The following ZDHHC7 variants were observed in gnomAD, a reference collection of about 807,000 sequenced individuals.
ZDHHC7 encodes the protein palmitoyltransferase ZDHHC7.
A neutral mutation model predicts 34.1 loss-of-function variants in ZDHHC7; 12 were observed. The observed-to-expected ratio is 0.35, with a 90% CI of 0.23 to 0.57. The LOEUF (loss-of-function observed/expected upper bound fraction) is 0.57, where lower values mean the gene tolerates loss of function less well. ZDHHC7 is among the 20% of genes least tolerant of loss of function. The pLI, the probability that ZDHHC7 is intolerant of heterozygous loss-of-function variation, is 0.84. For missense variants in ZDHHC7, 388 were observed against 402.7 expected (o/e 0.96, Z 0.31); for synonymous variants, 185 against 155.4 (o/e 1.19, Z -1.42).
chr16:85,024,475 C>A, the ZDHHC7 span, among the ~76,000 whole-genome samples: 1 of 152,132 alleles, frequency 6.6e-6, no homozygotes, highest in Admixed American at 6.5e-5. Context: ...TTGTGATCCG[C>A]CCACCTTGCC....
At chr16:85,026,695 A>T in the ZDHHC7 span, among the ~76,000 whole-genome samples, 1 of 151,594 alleles carries the variant, frequency 6.6e-6, no homozygotes, top group Non-Finnish European at 1.5e-5. Context: ...TCTCCTGCAT[A>T]ACTCCCGTAA....
At chr16:84,979,422 A>C in intron 4 of ZDHHC7, 137 bp from the exon 5 acceptor site, 62 of 1,265,576 alleles carry the variant, frequency 4.9e-5, no homozygotes, top group Non-Finnish European at 6.4e-5. Flanking sequence ...ATACATTCTC[A>C]CTATATTCCT....
At chr16:85,002,649 G>C (rs893872044) in intron 1 of ZDHHC7, among the ~76,000 whole-genome samples, 1 of 152,152 alleles carries the variant, frequency 6.6e-6, no homozygotes, top group African/African-American at 2.4e-5. Flanking sequence ...TCCTGGGACA[G>C]AGAAAGGACA....
the ZDHHC7 span, among the ~76,000 whole-genome samples, chr16:85,020,926 G>A: frequency 1.3e-5 from 2 of 151,856 alleles, no homozygotes; most frequent in Non-Finnish European, 2.9e-5. Context: ...GCAACATAGT[G>A]AGTCCCCATC....
chr16:84,993,213 A>T (rs1234766399), intron 2 of ZDHHC7, among the ~76,000 whole-genome samples: 1 of 151,776 alleles, frequency 6.6e-6, no homozygotes, highest in Non-Finnish European at 1.5e-5. Context: ...CCCCCCTACT[A>T]GGGAGGCTGA....
chr16:84,991,361 C>T (rs1407441835), intron 2 of ZDHHC7, among the ~76,000 whole-genome samples: 1 of 152,192 alleles, frequency 6.6e-6, no homozygotes, highest in African/African-American at 2.4e-5. Flanking sequence ...TCTTGGCTCA[C>T]TGCAACCTCC....
At chr16:85,022,125 A>G in the ZDHHC7 span, among the ~76,000 whole-genome samples, 1 of 151,280 alleles carries the variant, frequency 6.6e-6, no homozygotes, top group Non-Finnish European at 1.5e-5. Flanking sequence ...GCGCCACTGC[A>G]CTCTAGCCTG....
At chr16:85,007,588 A>G (rs1311876032) in intron 1 of ZDHHC7, among the ~76,000 whole-genome samples, 1 of 151,970 alleles carries the variant, frequency 6.6e-6, no homozygotes, top group Non-Finnish European at 1.5e-5. Flanking sequence ...TCCCATAACA[A>G]GCAGACCAAA....
intron 3 of ZDHHC7, among the ~76,000 whole-genome samples, chr16:84,987,117 T>C (rs1378898851): frequency 6.6e-6 from 1 of 152,204 alleles, no homozygotes; most frequent in Non-Finnish European, 1.5e-5. Flanking sequence ...CTCCCCTCTG[T>C]CCACCTTCCA....
the ZDHHC7 span, among the ~76,000 whole-genome samples, chr16:85,023,205 C>T: frequency 0.05 from 7,370 of 146,728 alleles, 227 homozygotes; most frequent in Middle Eastern, 0.086. Context: ...ATCGCTCTGT[C>T]GCCCAGGCTG....
At chr16:84,990,117 C>T (rs1023282340) in intron 3 of ZDHHC7, among the ~76,000 whole-genome samples, 187 bp downstream of exon 3, 6 of 152,198 alleles carry the variant, frequency 3.9e-5, no homozygotes, top group Admixed American at 3.9e-4. Flanking sequence ...TTTCACTGCG[C>T]TAGGTCTGGC....
intron 1 of ZDHHC7, among the ~76,000 whole-genome samples, chr16:84,997,197 G>C (rs990051162): frequency 1.3e-5 from 2 of 151,330 alleles, no homozygotes; most frequent in Non-Finnish European, 2.9e-5. Context: ...GAAACAAAAA[G>C]AGGAACAGTT....
At chr16:84,977,447 A>G (rs2072312809) in intron 6 of ZDHHC7, among the ~76,000 whole-genome samples, 1 of 152,180 alleles carries the variant, frequency 6.6e-6, no homozygotes, top group African/African-American at 2.4e-5. Context: ...GTTTCAAAAG[A>G]GTCTGTATTT....
intron 1 of ZDHHC7, among the ~76,000 whole-genome samples, chr16:85,002,341 A>G (rs2072664130): frequency 6.6e-6 from 1 of 152,066 alleles, no homozygotes; most frequent in Non-Finnish European, 1.5e-5. Context: ...GAAACTTGGC[A>G]AACACCACCT....
At chr16:85,022,885 G>A in the ZDHHC7 span, among the ~76,000 whole-genome samples, 2 of 152,132 alleles carry the variant, frequency 1.3e-5, no homozygotes, top group African/African-American at 4.8e-5. Flanking sequence ...AATCTAAATG[G>A]AGGGACATCC....
chr16:84,999,749 C>T (rs73255966), intron 1 of ZDHHC7, among the ~76,000 whole-genome samples: 3,451 of 152,210 alleles, frequency 0.023, 132 homozygotes, highest in African/African-American at 0.077. Flanking sequence ...TGTAAGTTGA[C>T]AGACATGCCT....
chr16:84,992,742 A>C (rs938473187), intron 2 of ZDHHC7, among the ~76,000 whole-genome samples: 5 of 152,212 alleles, frequency 3.3e-5, no homozygotes, highest in Non-Finnish European at 5.9e-5. Flanking sequence ...GGCTTCTGAA[A>C]TGTGAATAAA....
Position 84,998,747 on chromosome 16 carries a change from AC to A in ZDHHC7, c.-103-2741del, listed in dbSNP as rs1295733540. Among the ~76,000 whole-genome samples the A allele has an allele frequency of 1.2e-3, 157 of 129,862 alleles. 1 individual carries two copies. Among genetic ancestry groups the A allele is most frequent in the Middle Eastern group, 8.5e-3 (2 of 234 alleles). The allele number at this position is 129,862 out of a possible 152,430, so 85.2% of individuals were successfully genotyped here. A position where few individuals can be genotyped will look rare whatever the true frequency, so the allele number is the denominator to read the frequency against. On this transcript the variant is annotated intron_variant, in intron 1 of 7. Coordinates refer to ENST00000313732, the MANE Select transcript of ZDHHC7 (RefSeq NM_017740.3). ...AGCTCCAGCTCTCAATCCCTTCTGA[AC>A]CTTTTTTTTTTTTTTTTTTTTTTGA...
chr16:85,024,966 G>A, the ZDHHC7 span, among the ~76,000 whole-genome samples: 1 of 152,118 alleles, frequency 6.6e-6, no homozygotes, highest in African/African-American at 2.4e-5. Flanking sequence ...AGCTCTTGGA[G>A]GACACTCTGT....
Sources: allele counts gnomAD v4.1 joint callset (sites outside exome capture counted in the v4.1 genomes callset), GRCh38; gene constraint gnomAD v4.1.1; transcripts MANE v1.5; gene names NCBI Gene and HGNC (gene_info 2026-07-23, HGNC 2026-07-21).